Variants in TYMP observed in about 807,000 individuals in gnomAD.
TYMP encodes gliostatin.
TYMP carries 46 observed loss-of-function variants against 42.3 expected under a neutral mutation model. The ratio of observed to expected loss-of-function variants is 1.09; its 90% CI spans 0.86 to 1.39. The LOEUF (loss-of-function observed/expected upper bound fraction) is 1.39, where lower values mean the gene tolerates loss of function less well. Among genes scored for constraint, TYMP ranks in the 40% most tolerant of loss-of-function variants. The pLI is 0.00. For missense variants in TYMP, 837 were observed against 677.6 expected (o/e 1.24, Z -2.61); for synonymous variants, 363 against 308.0 (o/e 1.18, Z -1.87).
Position 50,525,932 on chromosome 22 carries a change from G to T in TYMP, c.1301-14C>A. 6.9e-7 allele frequency: 1 copy of T among 1,442,058 alleles called. No individual in the cohort carries two copies. The highest frequency in any genetic ancestry group is 2.8e-5 in the East Asian group (1 of 35,208). 89.3% of individuals were successfully genotyped at this position (1,442,058 alleles called of 1,614,324 possible). A position where few individuals can be genotyped will look rare whatever the true frequency, so the allele number is the denominator to read the frequency against. On this transcript the variant is annotated splice_polypyrimidine_tract_variant and intron_variant, in intron 9 of 9. Coordinates refer to ENST00000252029, the MANE Select transcript of TYMP (RefSeq NM_001953.5). Reference sequence around the variant, plus strand: ...GCCAGGGGGTCCCTGCAGAGCGAGGGGCTGTTAGAGGCCGCGCGGCCGGAG... The same window carrying T: ...GCCAGGGGGTCCCTGCAGAGCGAGGTGCTGTTAGAGGCCGCGCGGCCGGAG...
Position 50,525,877 on chromosome 22 carries a change from T to G in TYMP, c.1342A>C (p.Ser448Arg), listed in dbSNP as rs2069335150. The part of the protein sequence containing the change: ...LRVHRDGPAL[S>R]GPQSRALQEA... ...TGCAGGGCGCGGCTCTGCGGGCCGC[T>G]GAGCGCGGGGCCGTCCCGGTGCACG... Residue 448 changes from serine to arginine, a missense_variant, in exon 10 of 10, where the codon AGC becomes CGC. By Grantham distance (110) the Ser-to-Arg change is moderately radical (BLOSUM62 -1). Transcript: ENST00000252029. 1 of 1,589,028 alleles carries G rather than the reference T, an allele frequency of 6.3e-7. No homozygotes were observed. Among genetic ancestry groups the G allele is most frequent in the African/African-American group, 1.4e-5 (1 of 73,768 alleles).
At chr22:50,529,389 C>T in intron 2 of TYMP, 51 bp from the exon 3 acceptor site, 1 of 1,608,636 alleles carries the variant, frequency 6.2e-7, no homozygotes. Context: ...GGTGGGGCAC[C>T]CTGGGGCCGG....
rs368102938 is a variant in TYMP, at chr22:50,527,552, G to A, written c.646+36C>T. The A allele has an allele frequency of 3.7e-6, 6 of 1,613,774 alleles. No individual in the cohort carries two copies. In the African/African-American group the frequency reaches 4.0e-5, roughly 11 times the overall value. On this transcript the variant is annotated intron_variant, in intron 5 of 9. Transcript: ENST00000252029. ...ACTTGAGTTTGGAGGTCAGGAGCCT[G>A]TGAACATGCAGAAGCAGGCCATGGA...
intron 4 of TYMP, chr22:50,528,299 C>G (rs185766396): frequency 1.4e-5 from 9 of 626,502 alleles, no homozygotes; most frequent in Non-Finnish European, 2.3e-5. Flanking sequence ...GCCACCGTGC[C>G]CCGCCAGCCA....
At position 50,527,661 on chromosome 22, in the gene TYMP, C is replaced by T. The variant is rs950435051; in HGVS notation, c.573G>A (p.Leu191=). 6.8e-6 allele frequency: 11 copies of T among 1,613,862 alleles called. No homozygotes were observed. Among genetic ancestry groups the T allele is most frequent in the African/African-American group, 1.3e-5 (1 of 74,922 alleles). ...GCCIVGQSEQ[L]VPADGILYAA... is the part of the protein sequence containing the mutation. ...CATATAGGATTCCGTCCGCAGGAAC[C>T]AGCTGCTCACTCTGACCCACGATAC... The change falls in exon 5 of 10, where the codon CTG becomes CTA. Residue 191 remains leucine (L), a synonymous_variant. Transcript: ENST00000252029.
chr22:50,527,460 G>A (rs561608841), intron 5 of TYMP, 128 bp downstream of exon 5: 30 of 1,459,818 alleles, frequency 2.1e-5, no homozygotes, highest in Non-Finnish European at 2.9e-5. Flanking sequence ...TGGTGGTCAG[G>A]CATCTTGTGA....
rs764792655 is a variant in TYMP at position 50,529,698 on chromosome 22, CA to C, written c.11del (p.Leu4Ter). 4.7e-5 allele frequency: 75 copies of C among 1,610,552 alleles called. No homozygotes were observed. The highest frequency in any genetic ancestry group is 8.0e-5 in the African/African-American group (6 of 74,914). The part of the protein sequence containing the change: MAA[L>X]MTPGTGAPPA... ...GTGGGGCCCCGGTTCCCGGGGTCAT[CA>C]AGGCTGCCATCGCTCCGGGCCTGCG... On this transcript the variant is annotated frameshift_variant, in exon 2 of 10. Coordinates refer to ENST00000252029, the MANE Select transcript of TYMP (RefSeq NM_001953.5). LOFTEE classifies it high-confidence loss of function.
chr22:50,527,609 C>T lies in TYMP; in HGVS notation c.625G>A (p.Asp209Asn). Residue 209 changes from aspartate (D) to asparagine (N), a missense_variant, in exon 5 of 10, where the codon GAC (aspartate) becomes AAC (asparagine). Physicochemically the swap from Asp to Asn is conservative, Grantham distance 23. Coordinates refer to ENST00000252029, the MANE Select transcript of TYMP (RefSeq NM_001953.5). ...TCACCTGTGATGAGTGGCAGGCTGT[C>T]CACGGTGGCTGTCACATCTCTGGCT... ...YAARDVTATV[D>N]SLPLITASIL... 1 of 1,613,910 alleles carries T rather than the reference C, an allele frequency of 6.2e-7. No individual in the cohort carries two copies.
intron 6 of TYMP, 25 bp downstream of exon 6, chr22:50,527,140 C>G: frequency 1.3e-6 from 2 of 1,588,502 alleles, no homozygotes; most frequent in East Asian, 2.2e-5. Context: ...AAGACGCTTG[C>G]CCAGGGAAAG....
intron 5 of TYMP, 134 bp downstream of exon 5, chr22:50,527,454 G>A (rs1227472681): frequency 7.0e-7 from 1 of 1,427,164 alleles, no homozygotes; most frequent in African/African-American, 1.4e-5. Flanking sequence ...ACATGGTGGT[G>A]GTCAGGCATC....
At position 50,529,719 on chromosome 22, in the gene TYMP, CCTGCGGGGATGCCTGACACGTCCGGGGT is replaced by C. The variant is rs1320998159; in HGVS notation, c.-10-28_-10-1del. ...TCATCAAGGCTGCCATCGCTCCGGG[CCTGCGGGGATGCCTGACACGTCCGGGGT>C]CTGCGGCCTCCCGGCGTCGGTGTCT... On this transcript the variant is annotated splice_acceptor_variant and splice_polypyrimidine_tract_variant and intron_variant, in intron 1 of 9. Coordinates refer to ENST00000252029, the MANE Select transcript of TYMP (RefSeq NM_001953.5). LOFTEE classifies it low-confidence loss of function (5UTR_SPLICE). 5.0e-6 allele frequency: 8 copies of C among 1,605,200 alleles called. No homozygotes were observed. The highest frequency in any genetic ancestry group is 4.5e-5 in the East Asian group (2 of 44,634).
chr22:50,529,987 T>A lies in TYMP; in HGVS notation c.-94A>T, dbSNP rs2069533786. ...CGCCCGCGGGTCGGGACCGTAGGGT[T>A]CAGGGTTCGCGCACAGCGGTCCACT... On this transcript the variant is annotated 5_prime_UTR_variant, in exon 1 of 10. Coordinates refer to ENST00000252029, the MANE Select transcript of TYMP (RefSeq NM_001953.5). The A allele has an allele frequency of 2.0e-6, 1 of 501,718 alleles. No homozygotes were observed. The highest frequency in any genetic ancestry group is 3.6e-5 in the Admixed American group (1 of 27,654). 31.1% of individuals were successfully genotyped at this position (501,718 alleles called of 1,614,324 possible).
In TYMP at chr22:50,525,931, G is replaced by A. The variant is rs772519337; in HGVS notation, c.1301-13C>T. On this transcript the variant is annotated splice_polypyrimidine_tract_variant and intron_variant, in intron 9 of 9. Transcript: ENST00000252029. ...AGCCAGGGGGTCCCTGCAGAGCGAG[G>A]GGCTGTTAGAGGCCGCGCGGCCGGA... is the stretch of plus-strand genomic sequence containing the variant. 5.4e-6 allele frequency: 8 copies of A among 1,474,140 alleles called. No homozygotes were observed. The South Asian group carries it at 8.1e-5, about 15-fold the overall frequency. The allele number at this position is 1,474,140 out of a possible 1,614,324, so 91.3% of individuals were successfully genotyped here.
chr22:50,527,723 C>G lies in TYMP; in HGVS notation c.517-6G>C. 1 of 1,604,826 alleles carries G rather than the reference C, an allele frequency of 6.2e-7. No individual in the cohort carries two copies. Among genetic ancestry groups the G allele is most frequent in the Non-Finnish European group, 8.5e-7 (1 of 1,173,842 alleles). On this transcript the variant is annotated splice_polypyrimidine_tract_variant and splice_region_variant and intron_variant, in intron 4 of 9. Coordinates refer to ENST00000252029, the MANE Select transcript of TYMP (RefSeq NM_001953.5). ...TGGTCCAGCAGCACTTGCATCTGGTCAGACATCCCCTGTTCTCAGTGACTT... is the reference window on the plus strand; with the variant it reads ...TGGTCCAGCAGCACTTGCATCTGGTGAGACATCCCCTGTTCTCAGTGACTT...
rs1275545120 is a variant in TYMP, at chr22:50,526,627, A to G, written c.877T>C (p.Cys293Arg). The change falls in exon 7 of 10, where the codon TGC becomes CGC. Residue 293 changes from cysteine to arginine, a missense_variant. Coordinates refer to ENST00000252029, the MANE Select transcript of TYMP (RefSeq NM_001953.5). ...HALEVEEALL[C>R]MDGAGPPDLR... ...TCTGGCGGGCCTGCGCCGTCCATGCAGAGCAGCGCCTCCTCCACCTCCAGG... is the reference window on the plus strand; with the variant it reads ...TCTGGCGGGCCTGCGCCGTCCATGCGGAGCAGCGCCTCCTCCACCTCCAGG... 1.3e-6 allele frequency: 2 copies of G among 1,576,716 alleles called. No homozygotes were observed. Among genetic ancestry groups the G allele is most frequent in the East Asian group, 2.3e-5 (1 of 42,816 alleles).
At position 50,529,124 on chromosome 22, in the gene TYMP, G is replaced by T; in HGVS notation, c.417+12C>A. On this transcript the variant is annotated intron_variant, in intron 3 of 9. Coordinates refer to ENST00000252029, the MANE Select transcript of TYMP (RefSeq NM_001953.5). ...GTATAGGCTCCCGTCTGGAAAGGAG[G>T]TGGTTTCTAACCTTGCAGCCACATG... The T allele has an allele frequency of 2.5e-6, 4 of 1,612,888 alleles. No individual in the cohort carries two copies. The highest frequency in any genetic ancestry group is 3.4e-6 in the Non-Finnish European group (4 of 1,179,900).
chr22:50,526,173 CGGGAAGGGGCGGGGCCTCGGGAA>C, intron 8 of TYMP, 32 bp from the exon 9 acceptor site: 1 of 1,466,716 alleles, frequency 6.8e-7, no homozygotes, highest in East Asian at 2.8e-5. Flanking sequence ...GGCGCGGGCT[CGGGAAGGGGCGGGGCCTCGGGAA>C]GGGAAGGGGA....
intron 3 of TYMP, 36 bp from the exon 4 acceptor site, chr22:50,528,646 C>A (rs1302145336): frequency 6.6e-7 from 1 of 1,509,332 alleles, no homozygotes; most frequent in Non-Finnish European, 9.2e-7. Flanking sequence ...CTGCACAGTA[C>A]CCCTCCCCCA....
At chr22:50,529,760 G>A (rs1289090415) in intron 1 of TYMP, 41 bp from the exon 2 acceptor site, 5 of 1,548,110 alleles carry the variant, frequency 3.2e-6, no homozygotes, top group East Asian at 2.3e-5. Flanking sequence ...GCGGCCTCCC[G>A]GCGTCGGTGT....
Sources: allele counts gnomAD v4.1 joint callset, GRCh38; gene constraint gnomAD v4.1.1; transcripts MANE v1.5; gene names NCBI Gene and HGNC (gene_info 2026-07-23, HGNC 2026-07-21).